The following GHRL variants were observed in gnomAD, a reference collection of about 807,000 sequenced individuals.
GHRL encodes appetite-regulating hormone.
In GHRL, 24 loss-of-function variants were observed where a neutral mutation model predicts 16.9. The ratio of observed to expected loss-of-function variants is 1.42; its 90% CI spans 1.03 to 2.00. The LOEUF (loss-of-function observed/expected upper bound fraction) is 2.00, where lower values mean the gene tolerates loss of function less well. Ranked by LOEUF, GHRL falls within the 30% of genes most tolerant of loss-of-function variation. The pLI is 0.00. For missense variants in GHRL, 193 were observed against 142.1 expected (o/e 1.36, Z -1.82); for synonymous variants, 63 against 58.2 (o/e 1.08, Z -0.37).
intron 4 of GHRL, chr3:10,287,913 A>ATTTTTTTTTTTTTTTTTTTTTTT (rs1576049089): frequency 1.1e-5 from 1 of 87,952 alleles, no homozygotes; most frequent in Non-Finnish European, 2.7e-5. Context: ...GACATGATTG[A>ATTTTTTTTTTTTTTTTTTTTTTT]ATTTTTTTTT....
chr3:10,292,928 T>A lies in GHRL; in HGVS notation c.-852A>T, dbSNP rs1326306034. ...CAAGTAAACATCCACTGTGCAAAGC[T>A]GTGTTATCTTTGGGGAACTGAAATG... On this transcript the variant is annotated 5_prime_UTR_variant, in exon 1 of 6. Coordinates refer to ENST00000335542, the MANE Select transcript of GHRL (RefSeq NM_016362.5). 2 of 1,522,454 alleles carry A rather than the reference T, an allele frequency of 1.3e-6. No homozygotes were observed. The highest frequency in any genetic ancestry group is 4.3e-5 in the Admixed American group (2 of 46,924). 94.3% of individuals were successfully genotyped at this position (1,522,454 alleles called of 1,614,324 possible). A position where few individuals can be genotyped will look rare whatever the true frequency, so the allele number is the denominator to read the frequency against.
At chr3:10,290,404 G>A in intron 2 of GHRL, 195 bp from the exon 3 acceptor site, 1 of 565,560 alleles carries the variant, frequency 1.8e-6, no homozygotes, top group Admixed American at 3.1e-5. Flanking sequence ...GGCCGTTCAG[G>A]GCAGAACACC....
At chr3:10,290,051 G>A in intron 3 of GHRL, 22 bp downstream of exon 3, 1 of 1,609,830 alleles carries the variant, frequency 6.2e-7, no homozygotes, top group Non-Finnish European at 8.5e-7. Flanking sequence ...ACAACATGTG[G>A]GGCTTTGTGG....
At chr3:10,289,399 G>T (rs1349539670) in intron 4 of GHRL, among the ~76,000 whole-genome samples, 1 of 152,132 alleles carries the variant, frequency 6.6e-6, no homozygotes, top group Non-Finnish European at 1.5e-5. Context: ...GTAAAACATG[G>T]TTTTCTGCAG....
At chr3:10,289,002 G>C (rs917739069) in intron 4 of GHRL, among the ~76,000 whole-genome samples, 1 of 152,136 alleles carries the variant, frequency 6.6e-6, no homozygotes, top group African/African-American at 2.4e-5. Flanking sequence ...AGGAGGTGGG[G>C]CAGTTAGAGG....
Position 10,285,761 on chromosome 3 carries a change from C to A in GHRL, c.*114G>T. ...TTGGAACATCAGCATACAGTTTGAA[C>A]ATTTATTCGCCTCCTGAGCTTGTAC... On this transcript the variant is annotated 3_prime_UTR_variant, in exon 6 of 6. Transcript: ENST00000335542. 3 of 771,108 alleles carry A rather than the reference C, an allele frequency of 3.9e-6. No homozygotes were observed. Among genetic ancestry groups the A allele is most frequent in the South Asian group, 1.5e-5 (1 of 64,976 alleles). 47.8% of individuals were successfully genotyped at this position (771,108 alleles called of 1,614,324 possible).
intron 3 of GHRL, 80 bp downstream of exon 3, chr3:10,289,993 C>T (rs200739485): frequency 3.7e-5 from 58 of 1,547,894 alleles, no homozygotes; most frequent in South Asian, 5.7e-5. Context: ...CCAGAGATGG[C>T]GCTGCTGCTC....
chr3:10,289,965 C>G, intron 3 of GHRL, 87 bp from the exon 4 acceptor site: 1 of 1,512,996 alleles, frequency 6.6e-7, no homozygotes, highest in African/African-American at 1.4e-5. Context: ...CCTTTGTGCT[C>G]TGGGAGAAGA....
chr3:10,287,296 T>A (rs558878264), intron 4 of GHRL: 1 of 155,000 alleles, frequency 6.5e-6, no homozygotes, highest in African/African-American at 2.4e-5. Context: ...AGGTATTTTT[T>A]CTCTCATATG....
chr3:10,286,876 G>C lies in GHRL; in HGVS notation c.226-64C>G, dbSNP rs548943232. The stretch of plus-strand genomic sequence containing the variant: ...GGTCATGCCCATCCCCATCTCAAAG[G>C]GGGCTCTGGGCTCTCTGCCTCTCTT... On this transcript the variant is annotated intron_variant, in intron 4 of 5. Coordinates refer to ENST00000335542, the MANE Select transcript of GHRL (RefSeq NM_016362.5). The C allele has an allele frequency of 2.6e-3, 2,464 of 958,826 alleles. 38 individuals are homozygous for C. In the South Asian group the frequency reaches 0.028, roughly 11 times the overall value. 59.4% of individuals were successfully genotyped at this position (958,826 alleles called of 1,614,324 possible).
chr3:10,286,973 T>G, intron 4 of GHRL, 161 bp from the exon 5 acceptor site: 1 of 570,674 alleles, frequency 1.8e-6, no homozygotes. Context: ...CCAGGTTCTC[T>G]TCCTTTCTCA....
chr3:10,291,753 G>A (rs192973282), intron 1 of GHRL, among the ~76,000 whole-genome samples: 29 of 152,362 alleles, frequency 1.9e-4, no homozygotes, highest in African/African-American at 6.7e-4. Context: ...GGGCCAATGA[G>A]TTGTCTGCAG....
chr3:10,290,820 T>C lies in GHRL; in HGVS notation c.-134A>G. On this transcript the variant is annotated 5_prime_UTR_variant, in exon 2 of 6. Coordinates refer to ENST00000335542, the MANE Select transcript of GHRL (RefSeq NM_016362.5). ...ACCCCATCCCAGAGGTGGCCTAGCT[T>C]CCGTGGGGCTGATGTACATTCCTTG... 4.1e-6 allele frequency: 4 copies of C among 987,182 alleles called. No individual in the cohort carries two copies. The highest frequency in any genetic ancestry group is 4.8e-6 in the Non-Finnish European group (4 of 831,096). The allele number at this position is 987,182 out of a possible 1,614,324, so 61.2% of individuals were successfully genotyped here.
intron 2 of GHRL, 83 bp downstream of exon 2, chr3:10,290,633 G>GC (rs1251508067): frequency 1.6e-6 from 1 of 617,114 alleles, no homozygotes. Context: ...GACTCCTGAG[G>GC]CCCAGAGAGG....
chr3:10,289,948 C>G, intron 3 of GHRL, 70 bp from the exon 4 acceptor site: 1 of 1,491,888 alleles, frequency 6.7e-7, no homozygotes. Flanking sequence ...GAGGTCAGAC[C>G]CAGAGTCCTT....
Position 10,291,176 on chromosome 3 carries a change from G to A in GHRL, c.-490C>T, listed in dbSNP as rs1301575209. The A allele has an allele frequency of 2.0e-6, 2 of 985,546 alleles. No individual in the cohort carries two copies. Among genetic ancestry groups the A allele is most frequent in the African/African-American group, 1.7e-5 (1 of 57,256 alleles). The allele number at this position is 985,546 out of a possible 1,614,324, so 61.1% of individuals were successfully genotyped here. On this transcript the variant is annotated 5_prime_UTR_variant, in exon 2 of 6. Coordinates refer to ENST00000335542, the MANE Select transcript of GHRL (RefSeq NM_016362.5). ...GTGCTGTTGCTGCTCTGGCCTCTGTGAGCCCCGGGAGTCCGCAGGGAGCCA... is the reference window on the plus strand; with the variant it reads ...GTGCTGTTGCTGCTCTGGCCTCTGTAAGCCCCGGGAGTCCGCAGGGAGCCA...
chr3:10,290,371 T>A, intron 2 of GHRL, 162 bp from the exon 3 acceptor site: 1 of 649,168 alleles, frequency 1.5e-6, no homozygotes, highest in South Asian at 1.9e-5. Flanking sequence ...TAGAAGATGA[T>A]GGATGTGTGT....
intron 3 of GHRL, 39 bp from the exon 4 acceptor site, chr3:10,289,917 C>T: frequency 5.9e-6 from 9 of 1,527,340 alleles, no homozygotes; most frequent in Non-Finnish European, 8.1e-6. Flanking sequence ...CTCTAAGCCC[C>T]CATGTCCTTC....
intron 2 of GHRL, 93 bp from the exon 3 acceptor site, chr3:10,290,302 T>C: frequency 7.8e-7 from 1 of 1,274,466 alleles, no homozygotes; most frequent in South Asian, 1.4e-5. Context: ...CGTGAAGGGC[T>C]TTACCATCTG....
Sources: gnomAD v4.1 joint callset for allele counts (sites outside exome capture counted in the v4.1 genomes callset) on GRCh38, gnomAD v4.1.1 for gene constraint, MANE v1.5 for transcripts, NCBI Gene and HGNC (gene_info 2026-07-23, HGNC 2026-07-21) for gene names.